The following INSR variants were observed in gnomAD, a reference collection of about 807,000 sequenced individuals.
INSR encodes the protein insulin receptor.
A neutral mutation model predicts 142.6 loss-of-function variants in INSR; 67 were observed. The observed-to-expected ratio is 0.47, with a 90% CI of 0.39 to 0.58. The LOEUF is 0.58. Among genes scored for constraint, INSR ranks in the 20% least tolerant of loss-of-function variants. The pLI, the probability that INSR is intolerant of heterozygous loss-of-function variation, is 0.00. For missense variants in INSR, 1,248 were observed against 1,833.2 expected, an observed-to-expected ratio of 0.68 and a Z score of 5.83; for synonymous variants, 756 against 743.1, an observed-to-expected ratio of 1.02 and a Z score of -0.28.
At chr19:7,178,690 G>A (rs986297665) in intron 3 of INSR, among the ~76,000 whole-genome samples, 7 of 152,118 alleles carry the variant, frequency 4.6e-5, no homozygotes, top group African/African-American at 1.7e-4. Flanking sequence ...CTGCACTCCA[G>A]CCTGGGTGAC....
intron 1 of INSR, among the ~76,000 whole-genome samples, chr19:7,277,668 G>A (rs1458239419): frequency 6.6e-5 from 10 of 152,036 alleles, no homozygotes; most frequent in Admixed American, 6.6e-4. Context: ...GTGGTGAGGC[G>A]CGTCTGTGCT....
At chr19:7,163,259 G>A in intron 8 of INSR, 60 bp from the exon 9 acceptor site, 1 of 1,505,548 alleles carries the variant, frequency 6.6e-7, no homozygotes. Context: ...AAAGCTGGTG[G>A]GAGGATGGCG....
chr19:7,227,127 T>C (rs1026368206), intron 2 of INSR, among the ~76,000 whole-genome samples: 1 of 152,234 alleles, frequency 6.6e-6, no homozygotes, highest in African/African-American at 2.4e-5. Flanking sequence ...TCTAGAACAC[T>C]GAGTTTTCCA....
At chr19:7,184,661 G>C in intron 2 of INSR, 24 bp from the exon 3 acceptor site, 1 of 1,294,268 alleles carries the variant, frequency 7.7e-7, no homozygotes, top group South Asian at 1.5e-5. Context: ...GAGAGAGAGA[G>C]GGAAATAAAT....
intron 2 of INSR, among the ~76,000 whole-genome samples, chr19:7,211,023 C>T (rs1356138272): frequency 6.6e-6 from 1 of 152,062 alleles, no homozygotes; most frequent in Non-Finnish European, 1.5e-5. Flanking sequence ...GTTCTTGATA[C>T]AATCAGGTAA....
chr19:7,229,300 TGATG>T (rs369695616), intron 2 of INSR, among the ~76,000 whole-genome samples: 2,194 of 124,330 alleles, frequency 0.018, 26 homozygotes, highest in Non-Finnish European at 0.024. Context: ...GATGGAGGGA[TGATG>T]GATGGATGGA....
chr19:7,190,372 T>G (rs1023558996), intron 2 of INSR, among the ~76,000 whole-genome samples: 1,185 of 40,782 alleles, frequency 0.029, 14 homozygotes, highest in African/African-American at 0.05. Context: ...TTTGGTGGTT[T>G]TTTTTTTTTT....
rs1039650788 is a variant in INSR at position 7,192,860 on chromosome 19, C to T, written c.653-8223G>A. ...ATCATCTTCCTGAAACTTTCAGCTG[C>T]GGTGGCTTTTTCACTATACACTGCT... On this transcript the variant is annotated intron_variant, in intron 2 of 21. Transcript: ENST00000302850. This position sits in a 1 kb window ranked among gnomAD's most constrained non-coding sequence, Gnocchi z 4.2. Among the ~76,000 whole-genome samples the T allele has an allele frequency of 2.6e-5, 4 of 152,158 alleles. No homozygotes were observed. Among genetic ancestry groups the T allele is most frequent in the Non-Finnish European group, 5.9e-5 (4 of 68,020 alleles).
At chr19:7,172,757 T>C (rs1244830504) in intron 4 of INSR, among the ~76,000 whole-genome samples, 7 of 151,682 alleles carry the variant, frequency 4.6e-5, no homozygotes, top group African/African-American at 1.7e-4. Flanking sequence ...CCCAGCTTGG[T>C]GCTGGTGGCT....
At chr19:7,269,152 C>T (rs955136259) in intron 1 of INSR, among the ~76,000 whole-genome samples, 1 of 150,008 alleles carries the variant, frequency 6.7e-6, no homozygotes, top group Non-Finnish European at 1.5e-5. Flanking sequence ...AAACACTAAA[C>T]CTTCCACCAA....
intron 17 of INSR, among the ~76,000 whole-genome samples, chr19:7,124,187 C>A (rs1012982082): frequency 1.3e-5 from 2 of 151,586 alleles, no homozygotes; most frequent in African/African-American, 4.8e-5. Flanking sequence ...CATGGTGAAA[C>A]CCCGTCTCTA....
chr19:7,167,772 A>G lies in INSR; in HGVS notation c.1610+196T>C, dbSNP rs145081361. Among the ~76,000 whole-genome samples the G allele has an allele frequency of 9.9e-4, 151 of 152,200 alleles. 1 individual carries two copies. The East Asian group carries it at 0.028, about 28-fold the overall frequency. On this transcript the variant is annotated intron_variant, in intron 7 of 21. Coordinates refer to ENST00000302850, the MANE Select transcript of INSR (RefSeq NM_000208.4). ...AAAGCTGTCTGCTTCCATTTTAGGC[A>G]TTTGATAAAAGCAGACACTATTGAC...
chr19:7,227,591 G>A (rs1425747330), intron 2 of INSR, among the ~76,000 whole-genome samples: 4 of 152,200 alleles, frequency 2.6e-5, no homozygotes, highest in East Asian at 1.9e-4. Context: ...CATTCTCGTC[G>A]AAAGATCACG....
chr19:7,153,319 A>AC, intron 9 of INSR, among the ~76,000 whole-genome samples: 1 of 146,370 alleles, frequency 6.8e-6, no homozygotes, highest in Admixed American at 6.8e-5. Flanking sequence ...AATCACACAC[A>AC]CACCACACAC....
At chr19:7,118,914 C>CAAA (rs59739401) in intron 21 of INSR, among the ~76,000 whole-genome samples, 1 of 68,896 alleles carries the variant, frequency 1.5e-5, no homozygotes, top group Non-Finnish European at 2.7e-5. Flanking sequence ...GATTCCGTCT[C>CAAA]AAAAAAAAAA....
intron 2 of INSR, among the ~76,000 whole-genome samples, chr19:7,208,003 T>G (rs915126697): frequency 1.3e-5 from 2 of 151,738 alleles, no homozygotes; most frequent in Non-Finnish European, 2.9e-5. Flanking sequence ...GAGCTTGGCC[T>G]TGGGCATGGA....
intron 2 of INSR, among the ~76,000 whole-genome samples, chr19:7,261,170 G>A (rs182494683): frequency 6.6e-6 from 1 of 152,214 alleles, no homozygotes; most frequent in Non-Finnish European, 1.5e-5. Context: ...TTACAAGCAT[G>A]AGCCACCGCG....
chr19:7,247,610 G>C (rs1288630206), intron 2 of INSR, among the ~76,000 whole-genome samples: 1 of 152,150 alleles, frequency 6.6e-6, no homozygotes. Context: ...ATCGAAAGAG[G>C]GGATATACCA....
At position 7,125,461 on chromosome 19, in the gene INSR, C is replaced by T. The variant is rs750677625; in HGVS notation, c.3080G>A (p.Arg1027Gln). ...GCCGAAGGAGCCCTGCCCCAGCTCT[C>T]GAAGGAGGGTGATCTTCTCTCGAGA... Reference protein sequence around the residue: ...EVSREKITLLRELGQGSFGMV... With the variant: ...EVSREKITLLQELGQGSFGMV... Residue 1027 changes from arginine to glutamine, a missense_variant, in exon 17 of 22, where the codon CGA becomes CAA. Arg to Gln is a conservative substitution (Grantham distance 43). This residue lies in a region of INSR where 1,069 missense variants were observed against 1,654.0 expected (regional missense o/e 0.65). Transcript: ENST00000302850. This position sits in a 1 kb window ranked among gnomAD's most constrained non-coding sequence, Gnocchi z 4.9. 40 of 1,614,024 alleles carry T rather than the reference C, an allele frequency of 2.5e-5. No homozygotes were observed. The highest frequency in any genetic ancestry group is 2.2e-4 in the Admixed American group (13 of 60,006).
Sources: allele counts gnomAD v4.1 joint callset (sites outside exome capture counted in the v4.1 genomes callset), GRCh38; gene constraint gnomAD v4.1.1; regional missense constraint gnomAD v4.1.1; non-coding constraint Gnocchi (gnomAD v3.1); transcripts MANE v1.5; gene names NCBI Gene and HGNC (gene_info 2026-07-23, HGNC 2026-07-21).